C1orf105: variants seen among roughly 807,000 people sequenced by gnomAD.
C1orf105 encodes chromosome 1 open reading frame 105.
In C1orf105, 17 loss-of-function variants were observed where a neutral mutation model predicts 20.8. That is an observed-to-expected ratio of 0.82 (90% CI 0.56 to 1.23). The LOEUF is 1.23. C1orf105 is among the 50% of genes most tolerant of loss of function. The pLI is 0.00. For synonymous variants in C1orf105, 72 were observed against 72.1 expected, an observed-to-expected ratio of 1.00 and a Z score of 0.01; for missense variants, 219 against 213.5, an observed-to-expected ratio of 1.03 and a Z score of -0.16.
chr1:172,440,194 T>C (rs572353202), intron 1 of C1orf105, among the ~76,000 whole-genome samples: 1 of 152,322 alleles, frequency 6.6e-6, no homozygotes, highest in East Asian at 1.9e-4. Flanking sequence ...ACAAAATTTC[T>C]GATTTGAAAT....
intron 6 of C1orf105, among the ~76,000 whole-genome samples, chr1:172,467,779 G>A (rs1293469547): frequency 3.3e-5 from 5 of 152,130 alleles, no homozygotes; most frequent in Admixed American, 6.6e-5. Flanking sequence ...GTCACTCAGC[G>A]ATTCCCAATG....
rs374685041 is a variant in C1orf105, at chr1:172,433,117, T to A, written c.22-11956T>A. Among the ~76,000 whole-genome samples, 4 of 152,018 alleles carry A rather than the reference T, an allele frequency of 2.6e-5. No individual in the cohort carries two copies. The East Asian group carries it at 5.8e-4, about 22-fold the overall frequency. ...AGCCTCCAAGAAATATGGGACTATGTGAAAAGACCAAATCTACGTTTGATT... is the reference window on the plus strand; with the variant it reads ...AGCCTCCAAGAAATATGGGACTATGAGAAAAGACCAAATCTACGTTTGATT... On this transcript the variant is annotated intron_variant, in intron 1 of 6. Coordinates refer to ENST00000367727, the MANE Select transcript of C1orf105 (RefSeq NM_139240.4).
intron 1 of C1orf105, among the ~76,000 whole-genome samples, chr1:172,423,147 C>T (rs1490285120): frequency 6.6e-6 from 1 of 152,158 alleles, no homozygotes; most frequent in Non-Finnish European, 1.5e-5. Context: ...AGATGGTAGC[C>T]ACGTAATAGT....
Position 172,457,721 on chromosome 1 carries a change from C to T in C1orf105, c.273+1232C>T, listed in dbSNP as rs544371285. Among the ~76,000 whole-genome samples the T allele has an allele frequency of 5.3e-5, 8 of 152,352 alleles. No homozygotes were observed. In the South Asian group the frequency reaches 8.3e-4, roughly 16 times the overall value. On this transcript the variant is annotated intron_variant, in intron 4 of 6. Transcript: ENST00000367727. ...CACACTTGGGACATCAGCAGCCATC[C>T]TCTTTCTCAAGACCTCTTCTCTGAC...
rs552887517 is a variant in C1orf105 at position 172,425,475 on chromosome 1, C to T, written c.21+4569C>T. On this transcript the variant is annotated intron_variant, in intron 1 of 6. Coordinates refer to ENST00000367727, the MANE Select transcript of C1orf105 (RefSeq NM_139240.4). ...AGGAAAAAAAAGCAAAAAGTATAGG[C>T]GTGGTCTAAGCTAGCAGGCCCAACA... 3.3e-5 allele frequency among the ~76,000 whole-genome samples: 5 copies of T among 152,236 alleles called. No homozygotes were observed. The South Asian group carries it at 1.0e-3, about 32-fold the overall frequency.
At position 172,440,724 on chromosome 1, in the gene C1orf105, C is replaced by G. The variant is rs144479975; in HGVS notation, c.22-4349C>G. Reference sequence around the variant, plus strand: ...TGTGCCCATGCTAAGGACAGATGGGCACAGTAGTAGTCTTATGTTGCCTGC... The same window carrying G: ...TGTGCCCATGCTAAGGACAGATGGGGACAGTAGTAGTCTTATGTTGCCTGC... On this transcript the variant is annotated intron_variant, in intron 1 of 6. Coordinates refer to ENST00000367727, the MANE Select transcript of C1orf105 (RefSeq NM_139240.4). 2.6e-5 allele frequency among the ~76,000 whole-genome samples: 4 copies of G among 152,252 alleles called. No homozygotes were observed. In the East Asian group the frequency reaches 7.7e-4, roughly 29 times the overall value.
intron 1 of C1orf105, chr1:172,430,304 G>A (rs763150262): frequency 1.4e-6 from 1 of 701,894 alleles, no homozygotes; most frequent in Non-Finnish European, 2.6e-6. Flanking sequence ...CTGAATCCTT[G>A]TGCCAGCAGC....
chr1:172,442,733 G>C (rs1361980755), intron 1 of C1orf105: 8 of 915,938 alleles, frequency 8.7e-6, no homozygotes, highest in Non-Finnish European at 1.4e-5. Context: ...ATTCCATGCT[G>C]TGTTGATGTT....
chr1:172,426,307 C>G (rs943799506), intron 1 of C1orf105, among the ~76,000 whole-genome samples: 1 of 152,136 alleles, frequency 6.6e-6, no homozygotes, highest in Non-Finnish European at 1.5e-5. Context: ...TCAGACCATT[C>G]TTCTTTCCTC....
At chr1:172,455,969 C>A (rs1007242685) in intron 3 of C1orf105, among the ~76,000 whole-genome samples, 12 of 152,146 alleles carry the variant, frequency 7.9e-5, no homozygotes, top group African/African-American at 2.9e-4. Context: ...GAAGAGAAGT[C>A]TTCTCTTCAT....
At position 172,456,422 on chromosome 1, in the gene C1orf105, G is replaced by A. The variant is rs1649256913; in HGVS notation, c.206G>A (p.Arg69Lys). Residue 69 changes from arginine to lysine, a missense_variant, in exon 4 of 7, where the codon AGG becomes AAG. Arg to Lys is a conservative substitution (Grantham distance 26, BLOSUM62 2). Transcript: ENST00000367727. ...QVPDVLSKAR[R>K]NQCDSMLLRN... ...GTCTCTCTTTCCCCTCAGGCCAGGA[G>A]GAACCAGTGTGACTCCATGCTGCTC... The A allele has an allele frequency of 3.7e-6, 6 of 1,613,014 alleles. No homozygotes were observed. Among genetic ancestry groups the A allele is most frequent in the Non-Finnish European group, 5.1e-6 (6 of 1,179,938 alleles).
chr1:172,451,181 G>C (rs1488070794), intron 3 of C1orf105: 2 of 152,204 alleles, frequency 1.3e-5, no homozygotes, highest in African/African-American at 4.8e-5. Context: ...CCACTTGCTG[G>C]TACTGGGTGT....
intron 4 of C1orf105, among the ~76,000 whole-genome samples, chr1:172,459,539 C>T (rs555675748): frequency 2.6e-5 from 4 of 151,976 alleles, no homozygotes; most frequent in Admixed American, 6.6e-5. Flanking sequence ...AATAATAAAA[C>T]GGTGGATAAT....
intron 6 of C1orf105, among the ~76,000 whole-genome samples, chr1:172,468,134 T>A (rs1376671304): frequency 2.0e-5 from 3 of 152,206 alleles, no homozygotes; most frequent in Non-Finnish European, 4.4e-5. Context: ...CATTTTTAAT[T>A]TAATTGGTAA....
chr1:172,464,644 G>GT (rs35644684), intron 5 of C1orf105, among the ~76,000 whole-genome samples: 6,114 of 146,754 alleles, frequency 0.042, 129 homozygotes, highest in Non-Finnish European at 0.05. Context: ...GAAGAGTTCT[G>GT]TTTTTTTTTT....
chr1:172,465,184 C>G (rs1649952929), intron 5 of C1orf105, 115 bp from the exon 6 acceptor site: 1 of 391,114 alleles, frequency 2.6e-6, no homozygotes, highest in East Asian at 6.9e-5. Context: ...AACTCCATCT[C>G]AATAATAATA....
intron 3 of C1orf105, among the ~76,000 whole-genome samples, chr1:172,452,508 A>G (rs1648762305): frequency 6.6e-6 from 1 of 150,654 alleles, no homozygotes; most frequent in Non-Finnish European, 1.5e-5. Context: ...ACAGGTGTGT[A>G]AGAGAGAGAA....
At chr1:172,449,742 A>G (rs1252034697) in intron 3 of C1orf105, among the ~76,000 whole-genome samples, 5 of 152,202 alleles carry the variant, frequency 3.3e-5, no homozygotes, top group African/African-American at 4.8e-5. Flanking sequence ...AACACCCTGG[A>G]CAGGCAAGTA....
chr1:172,444,391 G>C (rs1319732559), intron 1 of C1orf105: 3 of 714,464 alleles, frequency 4.2e-6, no homozygotes, highest in Non-Finnish European at 5.1e-6. Flanking sequence ...GGGACTTCCC[G>C]TGCATCCATG....
Sources: gnomAD v4.1 joint callset for allele counts (sites outside exome capture counted in the v4.1 genomes callset) on GRCh38, gnomAD v4.1.1 for gene constraint, MANE v1.5 for transcripts, NCBI Gene and HGNC (gene_info 2026-07-23, HGNC 2026-07-21) for gene names.